LRGUK: variants seen among roughly 807,000 people sequenced by gnomAD.
LRGUK encodes the protein leucine rich repeats and guanylate kinase domain containing.
A neutral mutation model predicts 76.0 loss-of-function variants in LRGUK; 65 were observed. The observed-to-expected ratio is 0.85, with a 90% CI of 0.70 to 1.05. The LOEUF (loss-of-function observed/expected upper bound fraction) is 1.05. Ranked by LOEUF, LRGUK falls within the 50% of genes least tolerant of loss-of-function variation. The pLI is 0.00. For missense variants in LRGUK, 758 were observed against 732.8 expected, an observed-to-expected ratio of 1.03 and a Z score of -0.40; for synonymous variants, 268 against 265.6, an observed-to-expected ratio of 1.01 and a Z score of -0.09.
At chr7:134,222,631 C>T (rs181438351) in intron 16 of LRGUK, among the ~76,000 whole-genome samples, 27 of 149,942 alleles carry the variant, frequency 1.8e-4, no homozygotes, top group Admixed American at 1.4e-3. Flanking sequence ...TTTTTTGAGA[C>T]GGAGTTTTGC....
At chr7:134,153,214 TAAA>T (rs555466004) in intron 5 of LRGUK, among the ~76,000 whole-genome samples, 1 of 151,950 alleles carries the variant, frequency 6.6e-6, no homozygotes, top group African/African-American at 2.4e-5. Flanking sequence ...TATTTAAAAT[TAAA>T]AAAATCAGTT....
chr7:134,269,350 C>CTTTTTTT (rs71172445), downstream of LRGUK, among the ~76,000 whole-genome samples: 11 of 123,920 alleles, frequency 8.9e-5, no homozygotes, highest in African/African-American at 3.1e-4. Flanking sequence ...GATTTCAATT[C>CTTTTTTT]TTTTTTTTTT....
At chr7:134,163,083 C>T (rs1044961652) in intron 6 of LRGUK, among the ~76,000 whole-genome samples, 2 of 152,184 alleles carry the variant, frequency 1.3e-5, no homozygotes, top group African/African-American at 4.8e-5. Context: ...GCTGTCATTA[C>T]ACTTCAGGTG....
chr7:134,209,529 G>C, exon 16 of LRGUK: 1 of 399,140 alleles, frequency 2.5e-6, no homozygotes, highest in Non-Finnish European at 4.4e-6. Flanking sequence ...TTGCTTCCTA[G>C]AAGCCGGCTG....
At chr7:134,137,454 G>A (rs1210587204) in intron 2 of LRGUK, among the ~76,000 whole-genome samples, 2 of 152,036 alleles carry the variant, frequency 1.3e-5, no homozygotes, top group African/African-American at 4.8e-5. Context: ...GACTCTTTAA[G>A]AATTTTCTCT....
Position 134,249,983 on chromosome 7 carries a change from G to T in LRGUK, c.2198+907G>T, listed in dbSNP as rs369950210. Among the ~76,000 whole-genome samples the T allele has an allele frequency of 2.0e-5, 3 of 152,086 alleles. No individual in the cohort carries two copies. In the East Asian group the frequency reaches 5.8e-4, roughly 29 times the overall value. The stretch of plus-strand genomic sequence containing the variant: ...AGGTTGCTGGCTGGTCTATAGATTG[G>T]CTGTCCCTATGTCAGGCACCTATCC... On this transcript the variant is annotated intron_variant, in intron 18 of 19. Coordinates refer to the LRGUK transcript ENST00000285928.
chr7:134,178,323 A>T (rs1335402743), intron 9 of LRGUK, among the ~76,000 whole-genome samples, 180 bp from the exon 10 acceptor site: 1 of 152,058 alleles, frequency 6.6e-6, no homozygotes, highest in African/African-American at 2.4e-5. Flanking sequence ...ATCATTTCTT[A>T]AATTTTAGGA....
rs201252976 is a variant in LRGUK at position 134,258,695 on chromosome 7, C to CAAA, written c.2347+299_2347+301dup. On this transcript the variant is annotated intron_variant, in intron 19 of 19. Transcript: ENST00000285928. The stretch of plus-strand genomic sequence containing the variant: ...GGGTAACAAGAGCAAAACTCCGTCT[C>CAAA]AAAAAAAAAAAGGTATGCGTTGTTT... Among the ~76,000 whole-genome samples the CAAA allele has an allele frequency of 1.8e-3, 244 of 134,288 alleles. 1 individual carries two copies. The highest frequency in any genetic ancestry group is 6.5e-3 in the African/African-American group (232 of 35,942). 88.1% of individuals were successfully genotyped at this position (134,288 alleles called of 152,430 possible).
chr7:134,274,024 T>A, the LRGUK span, among the ~76,000 whole-genome samples: 1 of 152,306 alleles, frequency 6.6e-6, no homozygotes, highest in Non-Finnish European at 1.5e-5. Context: ...TGTATACACA[T>A]CCTGTCTTCC....
exon 16 of LRGUK, chr7:134,208,929 A>G (rs529493409): frequency 1.8e-5 from 7 of 399,114 alleles, no homozygotes; most frequent in South Asian, 1.3e-4. Flanking sequence ...CCTGACAGCC[A>G]TCTCAATCCT....
chr7:134,240,011 A>G (rs1274267680), intron 16 of LRGUK, among the ~76,000 whole-genome samples: 1 of 152,232 alleles, frequency 6.6e-6, no homozygotes, highest in Admixed American at 6.5e-5. Flanking sequence ...AGGAAAACTA[A>G]CAAACAGAAA....
chr7:134,261,989 T>C (rs960552138), intron 19 of LRGUK, among the ~76,000 whole-genome samples: 1 of 152,234 alleles, frequency 6.6e-6, no homozygotes, highest in Non-Finnish European at 1.5e-5. Context: ...AAGTAAATTT[T>C]ATTTGCAAAC....
chr7:134,201,317 A>T (rs1800758904), intron 14 of LRGUK, among the ~76,000 whole-genome samples, 164 bp from the exon 15 acceptor site: 2 of 152,104 alleles, frequency 1.3e-5, no homozygotes, highest in Non-Finnish European at 2.9e-5. Flanking sequence ...AGGGGAGGAG[A>T]TTGATTATAC....
At chr7:134,146,192 T>G (rs1426243809) in intron 4 of LRGUK, among the ~76,000 whole-genome samples, 1 of 151,946 alleles carries the variant, frequency 6.6e-6, no homozygotes, top group Non-Finnish European at 1.5e-5. Flanking sequence ...GAGAATCGCT[T>G]GAACTGGGAG....
the LRGUK span, among the ~76,000 whole-genome samples, chr7:134,270,843 T>C: frequency 6.6e-6 from 1 of 152,080 alleles, no homozygotes; most frequent in Admixed American, 6.5e-5. Context: ...AACATTCTTG[T>C]GTAGGGGTGG....
chr7:134,180,554 G>A (rs777923059), intron 10 of LRGUK, among the ~76,000 whole-genome samples: 2 of 151,662 alleles, frequency 1.3e-5, no homozygotes, highest in African/African-American at 4.8e-5. Flanking sequence ...TGGTTCTAAG[G>A]GACACAGAGG....
intron 19 of LRGUK, among the ~76,000 whole-genome samples, chr7:134,259,728 A>G (rs1330274600): frequency 2.6e-5 from 4 of 152,216 alleles, no homozygotes; most frequent in African/African-American, 9.7e-5. Context: ...CCAAAGCTCC[A>G]GGAAGTAATT....
chr7:134,266,585 A>G (rs1212252088), downstream of LRGUK, among the ~76,000 whole-genome samples: 2 of 152,228 alleles, frequency 1.3e-5, no homozygotes, highest in East Asian at 3.8e-4. Flanking sequence ...AGACAGAAGA[A>G]TTGAAATTAC....
chr7:134,150,547 G>C (rs932328449), intron 5 of LRGUK, among the ~76,000 whole-genome samples: 1 of 151,686 alleles, frequency 6.6e-6, no homozygotes, highest in Admixed American at 6.6e-5. Flanking sequence ...CTAAACTCTT[G>C]CTAGCCAGAA....
Sources: allele counts gnomAD v4.1 joint callset (sites outside exome capture counted in the v4.1 genomes callset), GRCh38; gene constraint gnomAD v4.1.1; transcripts MANE v1.5; gene names NCBI Gene and HGNC (gene_info 2026-07-23, HGNC 2026-07-21).